NTRK3: variants seen among roughly 807,000 people sequenced by gnomAD.
NTRK3 encodes the protein NT-3 growth factor receptor.
A neutral mutation model predicts 91.7 loss-of-function variants in NTRK3; 24 were observed. The observed-to-expected ratio is 0.26, with a 90% confidence interval of 0.19 to 0.37. NTRK3 has a LOEUF of 0.37. Among genes scored for constraint, NTRK3 ranks in the 10% least tolerant of loss-of-function variants. The pLI is 1.00. For missense variants in NTRK3, 880 were observed against 1,068.9 expected, an observed-to-expected ratio of 0.82 and a Z score of 2.46; for synonymous variants, 483 against 404.0, an observed-to-expected ratio of 1.20 and a Z score of -2.34.
At chr15:87,922,859 A>G (rs2067989885) in intron 17 of NTRK3, among the ~76,000 whole-genome samples, 1 of 152,110 alleles carries the variant, frequency 6.6e-6, no homozygotes. Context: ...TTGATTTGGA[A>G]CATTGTTTCT....
At chr15:87,994,530 T>C (rs2075539701) in intron 14 of NTRK3, among the ~76,000 whole-genome samples, 1 of 152,186 alleles carries the variant, frequency 6.6e-6, no homozygotes, top group African/African-American at 2.4e-5. Context: ...GAACAGATCC[T>C]TCCCTAGTGC....
intron 5 of NTRK3, among the ~76,000 whole-genome samples, chr15:88,173,616 C>G (rs543958429): frequency 1.3e-5 from 2 of 152,356 alleles, no homozygotes; most frequent in African/African-American, 4.8e-5. Context: ...TGCTAGCAAC[C>G]AGGTGCAAAG....
intron 14 of NTRK3, among the ~76,000 whole-genome samples, chr15:87,942,473 G>T (rs961481537): frequency 2.0e-5 from 3 of 152,168 alleles, no homozygotes; most frequent in African/African-American, 7.2e-5. Flanking sequence ...CCCTCTCTCG[G>T]GAGGCCACCT....
intron 3 of NTRK3, among the ~76,000 whole-genome samples, chr15:88,203,484 C>T (rs1335570041): frequency 2.6e-5 from 4 of 152,136 alleles, no homozygotes; most frequent in Non-Finnish European, 4.4e-5. Flanking sequence ...ACCACCCTAA[C>T]GAACAGGTTT....
chr15:87,992,449 T>C (rs541927292), intron 14 of NTRK3, among the ~76,000 whole-genome samples: 1 of 152,370 alleles, frequency 6.6e-6, no homozygotes, highest in Non-Finnish European at 1.5e-5. Context: ...TGGCAGTTAA[T>C]TGTTCATTTC....
Position 87,871,580 on chromosome 15 carries a change from A to G in NTRK3, c.*5355T>C, listed in dbSNP as rs959587558. 3.0e-5 allele frequency: 7 copies of G among 230,108 alleles called. No homozygotes were observed. The South Asian group carries it at 1.1e-3, about 36-fold the overall frequency. The allele number at this position is 230,108 out of a possible 1,614,324, so 14.3% of individuals were successfully genotyped here. On this transcript the variant is annotated 3_prime_UTR_variant, in exon 19 of 19. Transcript: ENST00000394480. ...GGCAACCAGGAAGAATGATTTTCAG[A>G]TGCTCAGAATGTTAGTCAGCATAAT... is the stretch of plus-strand genomic sequence containing the variant.
At chr15:88,142,406 A>G (rs2042472050) in intron 6 of NTRK3, among the ~76,000 whole-genome samples, 1 of 152,250 alleles carries the variant, frequency 6.6e-6, no homozygotes, top group African/African-American at 2.4e-5. Context: ...GGCTCCCCAC[A>G]TATTAACTCA....
chr15:88,186,145 A>C (rs143280462), intron 3 of NTRK3, among the ~76,000 whole-genome samples: 19 of 152,346 alleles, frequency 1.2e-4, no homozygotes, highest in African/African-American at 4.6e-4. Flanking sequence ...TAAATTACCA[A>C]GTAGATCACC....
At chr15:88,044,623 C>T (rs903415603) in intron 13 of NTRK3, among the ~76,000 whole-genome samples, 3 of 133,666 alleles carry the variant, frequency 2.2e-5, no homozygotes, top group Admixed American at 9.3e-5. Context: ...GCCAAAAGCA[C>T]TAGGTCTAGA....
chr15:87,949,650 C>T (rs1411067472), intron 14 of NTRK3, among the ~76,000 whole-genome samples: 1 of 152,108 alleles, frequency 6.6e-6, no homozygotes, highest in African/African-American at 2.4e-5. Flanking sequence ...CATGCTCCAC[C>T]GCCATGAGCT....
chr15:88,256,664 G>C (rs1330357336), exon 1 of NTRK3: 1 of 405,748 alleles, frequency 2.5e-6, no homozygotes, highest in Non-Finnish European at 4.3e-6. Context: ...AGGAAAGGAA[G>C]AGAAGGAAGA....
intron 14 of NTRK3, among the ~76,000 whole-genome samples, chr15:87,999,289 A>G (rs1016079668): frequency 2.6e-5 from 4 of 152,216 alleles, no homozygotes; most frequent in Non-Finnish European, 4.4e-5. Flanking sequence ...GACAGCCTGT[A>G]ACCTTTGATG....
At chr15:88,072,603 G>A in intron 13 of NTRK3, 1 of 232,490 alleles carries the variant, frequency 4.3e-6, no homozygotes, top group Admixed American at 5.6e-5. Context: ...AGGCCATCTA[G>A]AAATAAACAC....
chr15:88,028,759 A>G (rs1161665185), intron 14 of NTRK3, among the ~76,000 whole-genome samples: 1 of 152,172 alleles, frequency 6.6e-6, no homozygotes, highest in Non-Finnish European at 1.5e-5. Context: ...CTCTCCCCAG[A>G]TGGTCTCTGT....
At chr15:87,890,207 T>C (rs969135193) in intron 17 of NTRK3, among the ~76,000 whole-genome samples, 5 of 152,018 alleles carry the variant, frequency 3.3e-5, no homozygotes, top group Non-Finnish European at 7.4e-5. Context: ...CAAACTTCTT[T>C]GTGATGTTAA....
At chr15:87,931,473 T>C (rs191295525) in intron 16 of NTRK3, among the ~76,000 whole-genome samples, 2 of 152,374 alleles carry the variant, frequency 1.3e-5, no homozygotes, top group East Asian at 3.9e-4. Flanking sequence ...TATAGTCATT[T>C]AATACTCATA....
At chr15:87,999,801 A>G (rs2075967565) in intron 14 of NTRK3, among the ~76,000 whole-genome samples, 1 of 152,204 alleles carries the variant, frequency 6.6e-6, no homozygotes, top group Non-Finnish European at 1.5e-5. Flanking sequence ...AATACAAATG[A>G]TTCTTATCAA....
exon 18 of NTRK3, chr15:87,880,361 G>A (rs369115841): frequency 1.9e-6 from 3 of 1,614,044 alleles, no homozygotes; most frequent in Non-Finnish European, 2.5e-6. Flanking sequence ...ACTCTCTGTA[G>A]TGAACTTCCG....
At chr15:88,067,818 G>A (rs369571420) in intron 13 of NTRK3, among the ~76,000 whole-genome samples, 2 of 152,210 alleles carry the variant, frequency 1.3e-5, no homozygotes, top group South Asian at 4.1e-4. Context: ...TAAGTCACAA[G>A]ATTGAGGTCA....
Sources: gnomAD v4.1 joint callset for allele counts (sites outside exome capture counted in the v4.1 genomes callset) on GRCh38, gnomAD v4.1.1 for gene constraint, MANE v1.5 for transcripts, NCBI Gene and HGNC (gene_info 2026-07-23, HGNC 2026-07-21) for gene names.